The following RPS6KA2 variants were observed in gnomAD, a reference collection of about 807,000 sequenced individuals.
RPS6KA2 encodes ribosomal protein S6 kinase A2, also known as ribosomal protein S6 kinase alpha-2.
In RPS6KA2, 42 loss-of-function variants were observed where a neutral mutation model predicts 91.8. The observed-to-expected ratio is 0.46, with a 90% CI of 0.36 to 0.59. The LOEUF is 0.59. Among genes scored for constraint, RPS6KA2 ranks in the 20% least tolerant of loss-of-function variants. The probability of loss-of-function intolerance (pLI) is 0.00; values close to 1 mark genes in which losing one functional copy is unlikely to be tolerated. For missense variants in RPS6KA2, 798 were observed against 978.5 expected (o/e 0.82, Z 2.46); for synonymous variants, 414 against 393.6 (o/e 1.05, Z -0.61).
At chr6:166,519,500 C>T (rs759590224) in intron 3 of RPS6KA2, among the ~76,000 whole-genome samples, 2 of 152,156 alleles carry the variant, frequency 1.3e-5, no homozygotes, top group Admixed American at 6.5e-5. Flanking sequence ...ATGTAGTTTC[C>T]GTGGTTTACT....
intron 2 of RPS6KA2, among the ~76,000 whole-genome samples, chr6:166,642,186 A>T (rs1347398142): frequency 6.6e-6 from 1 of 152,192 alleles, no homozygotes; most frequent in Non-Finnish European, 1.5e-5. Flanking sequence ...CTACAAATGA[A>T]TGTTAATTAC....
intron 2 of RPS6KA2, among the ~76,000 whole-genome samples, chr6:166,755,460 C>T (rs1055310387): frequency 2.0e-5 from 3 of 151,964 alleles, no homozygotes; most frequent in Admixed American, 2.0e-4. Context: ...TTTACCTACA[C>T]AACTGGGGTT....
intron 1 of RPS6KA2, among the ~76,000 whole-genome samples, chr6:166,592,314 G>A (rs571374737): frequency 2.5e-4 from 38 of 152,218 alleles, no homozygotes; most frequent in Non-Finnish European, 5.3e-4. Flanking sequence ...ACTCACCTGC[G>A]GGGAAGAGGG....
Position 166,448,215 on chromosome 6 carries a change from T to G in RPS6KA2, c.1332+509A>C, listed in dbSNP as rs1779741358. On this transcript the variant is annotated intron_variant, in intron 14 of 20. Coordinates refer to ENST00000265678, the MANE Select transcript of RPS6KA2 (RefSeq NM_021135.6). This position sits in a 1 kb window ranked among gnomAD's most constrained non-coding sequence, Gnocchi z 4.7. ...TTTGTTGTAAGTAATACAAGCTTAT[T>G]TATTTCTTTGAGTATTTTCTTCCTC... is the stretch of plus-strand genomic sequence containing the variant. Among the ~76,000 whole-genome samples, 1 of 152,160 alleles carries G rather than the reference T, an allele frequency of 6.6e-6. No individual in the cohort carries two copies. The highest frequency in any genetic ancestry group is 2.1e-4 in the South Asian group (1 of 4,824).
At position 166,680,608 on chromosome 6, in the gene RPS6KA2, G is replaced by A. The variant is rs536028172; in HGVS notation, c.124-141824C>T. On this transcript the variant is annotated intron_variant, in intron 2 of 21. Transcript: ENST00000503859. ...ACAGCACGAGCCCGCCAGGAGGGAC[G>A]AACAACTCTGGACGTGCCAACCTTA... Among the ~76,000 whole-genome samples the A allele has an allele frequency of 1.0e-3, 152 of 152,206 alleles. 1 individual carries two copies. The highest frequency in any genetic ancestry group is 3.4e-3 in the African/African-American group (142 of 41,546).
intron 2 of RPS6KA2, among the ~76,000 whole-genome samples, chr6:166,847,155 CT>C (rs1236796138): frequency 6.6e-6 from 1 of 151,828 alleles, no homozygotes; most frequent in Admixed American, 6.6e-5. Context: ...AACTCAACCC[CT>C]TTTACAAGAG....
intron 2 of RPS6KA2, among the ~76,000 whole-genome samples, chr6:166,682,858 T>G (rs552723244): frequency 3.3e-4 from 50 of 152,202 alleles, no homozygotes; most frequent in Non-Finnish European, 6.2e-4. Flanking sequence ...AAGCCCTTTT[T>G]CCCCTTCTCT....
At chr6:166,824,765 C>CTGTGTGTCTACG (rs1779998680) in intron 2 of RPS6KA2, among the ~76,000 whole-genome samples, 2 of 41,868 alleles carry the variant, frequency 4.8e-5, no homozygotes, top group South Asian at 1.2e-3. Context: ...GTGTGTGTGT[C>CTGTGTGTCTACG]TGTGTGTCTA....
At chr6:166,819,152 G>A (rs537250355) in intron 2 of RPS6KA2, among the ~76,000 whole-genome samples, 10 of 152,162 alleles carry the variant, frequency 6.6e-5, no homozygotes, top group East Asian at 5.8e-4. Flanking sequence ...CTTAGCTTTC[G>A]CACCCCATTG....
intron 1 of RPS6KA2, among the ~76,000 whole-genome samples, chr6:166,582,368 A>C (rs928150899): frequency 6.6e-6 from 1 of 152,220 alleles, no homozygotes; most frequent in Non-Finnish European, 1.5e-5. Context: ...TGTTCAACAA[A>C]ACCAAACTTC....
chr6:166,690,598 C>G (rs1447628655), intron 2 of RPS6KA2, among the ~76,000 whole-genome samples: 3 of 152,190 alleles, frequency 2.0e-5, no homozygotes, highest in Non-Finnish European at 4.4e-5. Context: ...CTCGATGCAG[C>G]TCCGTGAGCC....
intron 2 of RPS6KA2, among the ~76,000 whole-genome samples, chr6:166,780,087 T>C (rs115809061): frequency 0.011 from 1,711 of 152,318 alleles, 30 homozygotes; most frequent in African/African-American, 0.036. Flanking sequence ...GGCAAGGGGA[T>C]GGCTCAAAGC....
exon 1 of RPS6KA2, chr6:166,862,216 G>T (rs1427265086): frequency 1.2e-6 from 2 of 1,613,474 alleles, no homozygotes; most frequent in African/African-American, 1.3e-5. Context: ...TAGTAGGAAA[G>T]GAAATAAACA....
intron 2 of RPS6KA2, among the ~76,000 whole-genome samples, chr6:166,837,418 C>T (rs1780347954): frequency 6.6e-6 from 1 of 152,214 alleles, no homozygotes; most frequent in African/African-American, 2.4e-5. Flanking sequence ...CCCACCTCTT[C>T]CCCGAAGCAG....
chr6:166,492,319 G>T (rs1339964875), intron 8 of RPS6KA2, among the ~76,000 whole-genome samples: 1 of 152,076 alleles, frequency 6.6e-6, no homozygotes, highest in East Asian at 1.9e-4. Context: ...AAGCGGAAGG[G>T]GGTCCAGATG....
intron 2 of RPS6KA2, among the ~76,000 whole-genome samples, chr6:166,531,687 C>A (rs989453592): frequency 2.0e-5 from 3 of 152,104 alleles, no homozygotes; most frequent in Non-Finnish European, 2.9e-5. Flanking sequence ...TGAGAGACCA[C>A]GCTGAAAGGT....
At chr6:166,629,287 C>G (rs1787003482), upstream of RPS6KA2, among the ~76,000 whole-genome samples, 1 of 152,230 alleles carries the variant, frequency 6.6e-6, no homozygotes, top group Non-Finnish European at 1.5e-5. Context: ...GACAAAAGCC[C>G]CAAGGCAGGC....
Position 166,563,411 on chromosome 6 carries a change from C to T in RPS6KA2, c.100-24627G>A, listed in dbSNP as rs984724128. On this transcript the variant is annotated intron_variant, in intron 1 of 20. Coordinates refer to ENST00000265678, the MANE Select transcript of RPS6KA2 (RefSeq NM_021135.6). The surrounding 1 kb of genome is among the most constrained non-coding windows in gnomAD (Gnocchi z 4.1). ...GGGCTCGCCGCCAGCGGTGGGATCC[C>T]TCTTCCTGCACAGAACCGCCTCTTC... Among the ~76,000 whole-genome samples, 2 of 152,216 alleles carry T rather than the reference C, an allele frequency of 1.3e-5. No individual in the cohort carries two copies. Among genetic ancestry groups the T allele is most frequent in the Non-Finnish European group, 2.9e-5 (2 of 68,026 alleles).
chr6:166,498,711 T>G (rs6908029), intron 7 of RPS6KA2, 61 bp from the exon 8 acceptor site: 165,001 of 1,587,742 alleles, frequency 0.1, 14,996 homozygotes, highest in African/African-American at 0.48. Flanking sequence ...GGGTCCACAC[T>G]CAGGCGGGCA....
Sources: allele counts gnomAD v4.1 joint callset (sites outside exome capture counted in the v4.1 genomes callset), GRCh38; gene constraint gnomAD v4.1.1; non-coding constraint Gnocchi (gnomAD v3.1); transcripts MANE v1.5; gene names NCBI Gene and HGNC (gene_info 2026-07-23, HGNC 2026-07-21).